The following LRRC4C variants were observed in gnomAD, a reference collection of about 807,000 sequenced individuals.
LRRC4C encodes the protein leucine-rich repeat-containing protein 4C.
LRRC4C carries 5 observed loss-of-function variants against 33.6 expected under a neutral mutation model. That is an observed-to-expected ratio of 0.15 (90% CI 0.08 to 0.31). The LOEUF (loss-of-function observed/expected upper bound fraction) is 0.31, where lower values mean the gene tolerates loss of function less well. Among genes scored for constraint, LRRC4C ranks in the 10% least tolerant of loss-of-function variants. The pLI is 1.00. For synonymous variants in LRRC4C, 329 were observed against 302.0 expected (o/e 1.09, Z -0.93); for missense variants, 560 against 796.7 (o/e 0.70, Z 3.58).
intron 2 of LRRC4C, among the ~76,000 whole-genome samples, chr11:40,851,974 T>G (rs1201137519): frequency 6.6e-6 from 1 of 152,140 alleles, no homozygotes. Context: ...CAGACTTTTT[T>G]TGTACTTTCG....
chr11:40,139,799 A>G lies in LRRC4C; in HGVS notation c.-43+1002T>C, dbSNP rs571536287. 2.0e-4 allele frequency among the ~76,000 whole-genome samples: 31 copies of G among 152,358 alleles called. No individual in the cohort carries two copies. The South Asian group carries it at 6.0e-3, about 30-fold the overall frequency. On this transcript the variant is annotated intron_variant, in intron 6 of 6. Coordinates refer to ENST00000528697, the MANE Select transcript of LRRC4C (RefSeq NM_001258419.2). ...GCATTTGAATATAAAAACAAAGAAA[A>G]TAGCTTCAGATTAGCTTTTGCCTTC... is the stretch of plus-strand genomic sequence containing the variant.
At chr11:41,378,317 T>C (rs1591385133) in intron 1 of LRRC4C, among the ~76,000 whole-genome samples, 1 of 152,152 alleles carries the variant, frequency 6.6e-6, no homozygotes, top group East Asian at 1.9e-4. Flanking sequence ...TTTTACAATG[T>C]AAATTATTTT....
chr11:41,220,372 T>C (rs1236473516), intron 1 of LRRC4C, among the ~76,000 whole-genome samples: 2 of 152,030 alleles, frequency 1.3e-5, no homozygotes, highest in Admixed American at 6.6e-5. Context: ...GAAATACCCC[T>C]CTCCAAGGGA....
chr11:40,551,904 A>G (rs1367728404), intron 3 of LRRC4C, among the ~76,000 whole-genome samples: 1 of 152,202 alleles, frequency 6.6e-6, no homozygotes, highest in Admixed American at 6.5e-5. Flanking sequence ...ATATGTTTAA[A>G]GATGAGATTA....
chr11:41,374,067 T>C (rs188494730), intron 1 of LRRC4C, among the ~76,000 whole-genome samples: 122 of 152,306 alleles, frequency 8.0e-4, no homozygotes, highest in Admixed American at 3.0e-3. Context: ...GGAATTAAAA[T>C]ATCATCTTAC....
chr11:41,015,624 T>C (rs1257044897), intron 1 of LRRC4C, among the ~76,000 whole-genome samples: 2 of 152,154 alleles, frequency 1.3e-5, no homozygotes, highest in African/African-American at 2.4e-5. Context: ...TGATAATCTG[T>C]AGGTATTTAT....
chr11:40,693,016 T>G (rs543240760), intron 2 of LRRC4C, among the ~76,000 whole-genome samples: 17 of 152,174 alleles, frequency 1.1e-4, no homozygotes, highest in Non-Finnish European at 1.5e-4. Flanking sequence ...AAATTGGAAG[T>G]CATCTATAAT....
At chr11:41,281,042 T>TTCTCTC (rs71063910) in intron 1 of LRRC4C, among the ~76,000 whole-genome samples, 3,272 of 75,880 alleles carry the variant, frequency 0.043, 287 homozygotes, top group African/African-American at 0.12. Context: ...AATACATATT[T>TTCTCTC]TCTCTCTCTC....
At chr11:40,571,015 A>T (rs1957962533) in intron 3 of LRRC4C, among the ~76,000 whole-genome samples, 1 of 152,282 alleles carries the variant, frequency 6.6e-6, no homozygotes, top group Non-Finnish European at 1.5e-5. Flanking sequence ...ATATCATGAA[A>T]CTATCAATAT....
intron 4 of LRRC4C, among the ~76,000 whole-genome samples, chr11:40,317,755 C>T (rs934148331): frequency 2.6e-5 from 4 of 152,098 alleles, no homozygotes; most frequent in East Asian, 1.9e-4. Context: ...TACAACACTA[C>T]GCTACTCTTT....
At chr11:41,375,257 T>C (rs1467933454) in intron 1 of LRRC4C, among the ~76,000 whole-genome samples, 1 of 152,096 alleles carries the variant, frequency 6.6e-6, no homozygotes, top group Non-Finnish European at 1.5e-5. Flanking sequence ...ATTTTTATAA[T>C]CAAATAGAAG....
At chr11:40,232,910 T>C (rs1168285557) in intron 5 of LRRC4C, among the ~76,000 whole-genome samples, 1 of 152,220 alleles carries the variant, frequency 6.6e-6, no homozygotes, top group Admixed American at 6.5e-5. Context: ...TGAAGATCTA[T>C]CATATTATTC....
At position 40,896,206 on chromosome 11, in the gene LRRC4C, A is replaced by G. The variant is rs1465579446; in HGVS notation, c.-407+37429T>C. ...TCAGCTTTAAAGTTCGCTCCAGCTC[A>G]GCATAGACCATACCCTTAGCTCTAT... is the stretch of plus-strand genomic sequence containing the variant. On this transcript the variant is annotated intron_variant, in intron 2 of 6. Transcript: ENST00000528697. Among the ~76,000 whole-genome samples, 3 of 152,192 alleles carry G rather than the reference A, an allele frequency of 2.0e-5. No individual in the cohort carries two copies. The East Asian group carries it at 5.8e-4, about 29-fold the overall frequency.
chr11:40,182,939 G>C (rs1383637821), intron 5 of LRRC4C, among the ~76,000 whole-genome samples: 1 of 152,030 alleles, frequency 6.6e-6, no homozygotes. Flanking sequence ...TCATTTTATG[G>C]TTTAAAAAAA....
intron 1 of LRRC4C, among the ~76,000 whole-genome samples, chr11:41,025,411 A>T (rs1303815493): frequency 6.6e-6 from 1 of 151,748 alleles, no homozygotes; most frequent in Non-Finnish European, 1.5e-5. Context: ...ATATGAGGAA[A>T]GTTTTAGTGC....
intron 1 of LRRC4C, among the ~76,000 whole-genome samples, chr11:41,311,824 G>A (rs933506110): frequency 6.6e-5 from 10 of 152,074 alleles, no homozygotes; most frequent in East Asian, 3.9e-4. Flanking sequence ...TTTTTCTGTC[G>A]TGTGTCATAG....
At chr11:41,059,210 G>GTTGTT (rs71060994) in intron 1 of LRRC4C, among the ~76,000 whole-genome samples, 8,563 of 125,210 alleles carry the variant, frequency 0.068, 514 homozygotes, top group South Asian at 0.17. Flanking sequence ...TAAAATAAAA[G>GTTGTT]TTTTTTTTTT....
intron 2 of LRRC4C, among the ~76,000 whole-genome samples, chr11:40,851,180 G>GAA (rs146000204): frequency 4.0e-5 from 6 of 149,406 alleles, no homozygotes; most frequent in African/African-American, 1.5e-4. Context: ...GGGTATGGGG[G>GAA]AAAAAAAAAA....
chr11:40,693,490 G>A (rs1043400483), intron 2 of LRRC4C, among the ~76,000 whole-genome samples: 6 of 151,882 alleles, frequency 4.0e-5, no homozygotes, highest in African/African-American at 7.3e-5. Context: ...GGTGAGGGCC[G>A]GGCTCTGCAG....
Sources: gnomAD v4.1 joint callset for allele counts (sites outside exome capture counted in the v4.1 genomes callset) on GRCh38, gnomAD v4.1.1 for gene constraint, MANE v1.5 for transcripts, NCBI Gene and HGNC (gene_info 2026-07-23, HGNC 2026-07-21) for gene names.